Variants in ATP9A observed in about 807,000 individuals in gnomAD.
ATP9A encodes ATPase phospholipid transporting 9A.
In ATP9A, 52 loss-of-function variants were observed where a neutral mutation model predicts 144.1. That is an observed-to-expected ratio of 0.36 (90% CI 0.29 to 0.45). The LOEUF is 0.45. Ranked by LOEUF, ATP9A falls within the 20% of genes least tolerant of loss-of-function variation. The pLI, the probability that ATP9A is intolerant of heterozygous loss-of-function variation, is 1.00. For missense variants in ATP9A, 947 were observed against 1,392.7 expected (o/e 0.68, Z 5.09); for synonymous variants, 582 against 557.4 (o/e 1.04, Z -0.62).
At chr20:51,765,033 G>C (rs1568852414) in intron 1 of ATP9A, among the ~76,000 whole-genome samples, 1 of 152,078 alleles carries the variant, frequency 6.6e-6, no homozygotes, top group African/African-American at 2.4e-5. Context: ...TAAAATGGGA[G>C]AATTAACTCC....
chr20:51,677,072 C>T (rs1377580061), intron 9 of ATP9A, among the ~76,000 whole-genome samples: 1 of 151,332 alleles, frequency 6.6e-6, no homozygotes, highest in African/African-American at 2.4e-5. Flanking sequence ...TAGCTGGGAC[C>T]ACAGGCACAT....
chr20:51,672,430 T>C (rs1203660699), intron 11 of ATP9A, among the ~76,000 whole-genome samples: 1 of 152,164 alleles, frequency 6.6e-6, no homozygotes, highest in African/African-American at 2.4e-5. Flanking sequence ...TTAATCATGT[T>C]ACATGTAGAA....
chr20:51,671,968 T>G (rs913153265), intron 11 of ATP9A, among the ~76,000 whole-genome samples: 1 of 152,044 alleles, frequency 6.6e-6, no homozygotes, highest in Non-Finnish European at 1.5e-5. Flanking sequence ...CGGGCTAATT[T>G]TTTGTATTTT....
intron 15 of ATP9A, among the ~76,000 whole-genome samples, chr20:51,635,368 C>T (rs1041906380): frequency 6.6e-6 from 1 of 152,138 alleles, no homozygotes; most frequent in Non-Finnish European, 1.5e-5. Context: ...CTGTGAGAGA[C>T]CCTGAGCCAG....
At chr20:51,744,636 G>T (rs1412004438) in intron 1 of ATP9A, among the ~76,000 whole-genome samples, 1 of 152,168 alleles carries the variant, frequency 6.6e-6, no homozygotes, top group Non-Finnish European at 1.5e-5. Flanking sequence ...CAATGTTTCT[G>T]AAAAAGGTAA....
intron 14 of ATP9A, among the ~76,000 whole-genome samples, chr20:51,655,014 A>T (rs2077381417): frequency 6.6e-6 from 1 of 152,116 alleles, no homozygotes; most frequent in African/African-American, 2.4e-5. Flanking sequence ...AAACCCAATC[A>T]CGCCACTTCT....
chr20:51,705,544 A>C (rs999450816), intron 4 of ATP9A, among the ~76,000 whole-genome samples: 1 of 152,208 alleles, frequency 6.6e-6, no homozygotes, highest in Non-Finnish European at 1.5e-5. Flanking sequence ...CCCCAGCAGG[A>C]AAGAAGCATC....
At position 51,726,889 on chromosome 20, in the gene ATP9A, C is replaced by CTTT. The variant is rs55719132; in HGVS notation, c.214-960_214-958dup. On this transcript the variant is annotated intron_variant, in intron 2 of 27. Coordinates refer to ENST00000338821, the MANE Select transcript of ATP9A (RefSeq NM_006045.3). ...CCACTGCGTCCAGACTGTGTTATTT[C>CTTT]TTTTTTTTTTTTTTTTTTTTTTTTT... Among the ~76,000 whole-genome samples the CTTT allele has an allele frequency of 5.9e-4, 55 of 93,992 alleles. 2 individuals are homozygous for CTTT. The highest frequency in any genetic ancestry group is 9.5e-4 in the South Asian group (2 of 2,116). The allele number at this position is 93,992 out of a possible 152,430, so 61.7% of individuals were successfully genotyped here.
intron 13 of ATP9A, among the ~76,000 whole-genome samples, chr20:51,661,354 T>G (rs746100586): frequency 6.8e-6 from 1 of 147,304 alleles, no homozygotes; most frequent in African/African-American, 2.5e-5. Flanking sequence ...GGGTTGCAAT[T>G]GACTGAAATA....
At chr20:51,644,334 G>A (rs1220622414) in intron 14 of ATP9A, among the ~76,000 whole-genome samples, 18 of 142,362 alleles carry the variant, frequency 1.3e-4, no homozygotes, top group East Asian at 1.0e-3. Flanking sequence ...GTGCAGTGGC[G>A]CGATCTCGGC....
chr20:51,677,127 TCTCA>T (rs2077480839), intron 9 of ATP9A, among the ~76,000 whole-genome samples: 1 of 151,310 alleles, frequency 6.6e-6, no homozygotes, highest in Admixed American at 6.6e-5. Flanking sequence ...AGAAATGAGG[TCTCA>T]CTATGTTGCC....
intron 22 of ATP9A, among the ~76,000 whole-genome samples, chr20:51,615,679 C>A (rs2077200514): frequency 6.6e-6 from 1 of 152,142 alleles, no homozygotes; most frequent in Admixed American, 6.6e-5. Context: ...CTCACTCTGT[C>A]ACCCAGAGTG....
Position 51,676,199 on chromosome 20 carries a change from A to T in ATP9A, c.809T>A (p.Val270Glu). 6.2e-7 allele frequency: 1 copy of T among 1,604,196 alleles called. No individual in the cohort carries two copies. Among genetic ancestry groups the T allele is most frequent in the Non-Finnish European group, 8.5e-7 (1 of 1,176,558 alleles). Residue 270 changes from valine (V) to glutamate (E), a missense_variant, in exon 10 of 28, where the codon GTG (valine) becomes GAG (glutamate). By Grantham distance (121) the Val-to-Glu change is moderately radical. Around this residue, in one of 2 missense-constraint regions of ATP9A, gnomAD observed 770 missense variants for 1,047.9 expected, o/e 0.73. Transcript: ENST00000338821. Reference protein sequence around the residue: ...AGTVVASGTVVGVVLYTGREL... With the variant: ...AGTVVASGTVEGVVLYTGREL... ...TCTGCCAGTGTAAAGAACAACACCC[A>T]CAACAGTACCTAAAATGGAAAAAAG...
rs955383197 is a variant in ATP9A at position 51,726,609 on chromosome 20, C to T, written c.214-677G>A. On this transcript the variant is annotated intron_variant, in intron 2 of 27. Transcript: ENST00000338821. ...GGTTTTGTTTTTTGAGACCAGGTCT[C>T]GCTCTGTCACCCAGCCTGGAGTCCA... Among the ~76,000 whole-genome samples the T allele has an allele frequency of 2.6e-5, 4 of 152,152 alleles. No homozygotes were observed. The South Asian group carries it at 8.3e-4, about 32-fold the overall frequency.
intron 9 of ATP9A, among the ~76,000 whole-genome samples, chr20:51,685,871 T>C (rs1401540102): frequency 1.3e-5 from 2 of 152,210 alleles, no homozygotes; most frequent in Admixed American, 6.5e-5. Flanking sequence ...ACTGGGTATA[T>C]ACCCAAAGGA....
chr20:51,648,589 G>A (rs1015542500), intron 14 of ATP9A, among the ~76,000 whole-genome samples: 6 of 152,294 alleles, frequency 3.9e-5, no homozygotes, highest in Admixed American at 3.9e-4. Flanking sequence ...CCAGCACTCT[G>A]GGAGGCTGAG....
At chr20:51,632,863 C>T (rs954253981) in intron 15 of ATP9A, among the ~76,000 whole-genome samples, 7 of 152,194 alleles carry the variant, frequency 4.6e-5, no homozygotes, top group South Asian at 2.1e-4. Context: ...TGGCTCACAC[C>T]TGTAATTCCA....
Position 51,618,646 on chromosome 20 carries a change from C to T in ATP9A, c.2350+16G>A, listed in dbSNP as rs751462630. Reference sequence around the variant, plus strand: ...CGGCAGGCCAGGGCCAGCAGCACAGCCTGAGCCTCGCCTACCTACTGCACA... The same window carrying T: ...CGGCAGGCCAGGGCCAGCAGCACAGTCTGAGCCTCGCCTACCTACTGCACA... On this transcript the variant is annotated intron_variant, in intron 21 of 27. Coordinates refer to ENST00000338821, the MANE Select transcript of ATP9A (RefSeq NM_006045.3). The T allele has an allele frequency of 6.2e-7, 1 of 1,606,356 alleles. No homozygotes were observed. The highest frequency in any genetic ancestry group is 1.7e-5 in the Admixed American group (1 of 59,746).
chr20:51,745,252 G>A lies in ATP9A; in HGVS notation c.69-15274C>T, dbSNP rs371917168. 9.6e-5 allele frequency among the ~76,000 whole-genome samples: 14 copies of A among 146,240 alleles called. No individual in the cohort carries two copies. The East Asian group carries it at 2.4e-3, about 25-fold the overall frequency. ...ACTGCACTCCAGCCTGGGTGACAGA[G>A]CGAGACTCCGTCTAAAAAAAAAAAA... On this transcript the variant is annotated intron_variant, in intron 1 of 27. Coordinates refer to ENST00000338821, the MANE Select transcript of ATP9A (RefSeq NM_006045.3).
Sources: allele counts gnomAD v4.1 joint callset (sites outside exome capture counted in the v4.1 genomes callset), GRCh38; gene constraint gnomAD v4.1.1; regional missense constraint gnomAD v4.1.1; transcripts MANE v1.5; gene names NCBI Gene and HGNC (gene_info 2026-07-23, HGNC 2026-07-21).